SYNPR: variants seen among roughly 807,000 people sequenced by gnomAD.
SYNPR encodes synaptoporin.
SYNPR carries 23 observed loss-of-function variants against 32.9 expected under a neutral mutation model. The observed-to-expected ratio is 0.70, with a 90% confidence interval of 0.50 to 0.99. The LOEUF is 0.99. Among genes scored for constraint, SYNPR ranks in the 50% least tolerant of loss-of-function variants. The probability of loss-of-function intolerance (pLI) is 0.00; values close to 1 mark genes in which losing one functional copy is unlikely to be tolerated. For synonymous variants in SYNPR, 146 were observed against 135.9 expected (o/e 1.07, Z -0.52); for missense variants, 318 against 349.3 (o/e 0.91, Z 0.71).
chr3:63,568,677 A>G (rs1188207413), intron 4 of SYNPR, among the ~76,000 whole-genome samples: 1 of 152,224 alleles, frequency 6.6e-6, no homozygotes. Flanking sequence ...GAAGGAGTCT[A>G]TTTAAAGAAT....
intron 2 of SYNPR, among the ~76,000 whole-genome samples, chr3:63,407,594 T>C (rs2088378099): frequency 6.6e-6 from 1 of 152,206 alleles, no homozygotes; most frequent in South Asian, 2.1e-4. Flanking sequence ...TTTATCAGCA[T>C]TAATATCATA....
intron 2 of SYNPR, among the ~76,000 whole-genome samples, chr3:63,360,454 T>C (rs1184589412): frequency 6.6e-6 from 1 of 152,212 alleles, no homozygotes; most frequent in Non-Finnish European, 1.5e-5. Context: ...AGGAATTATT[T>C]CAAAAATAAA....
At chr3:63,326,023 C>G (rs935288304) in intron 2 of SYNPR, among the ~76,000 whole-genome samples, 3 of 151,868 alleles carry the variant, frequency 2.0e-5, no homozygotes, top group Non-Finnish European at 4.4e-5. Flanking sequence ...TTCTGAAGAA[C>G]CCCAGTCCCA....
chr3:63,456,429 T>G (rs1424133104), intron 2 of SYNPR, among the ~76,000 whole-genome samples: 1 of 152,074 alleles, frequency 6.6e-6, no homozygotes, highest in Non-Finnish European at 1.5e-5. Context: ...AAATTGGTCA[T>G]AAGGATATGG....
intron 4 of SYNPR, among the ~76,000 whole-genome samples, chr3:63,580,816 T>C (rs1703077244): frequency 6.6e-6 from 1 of 152,210 alleles, no homozygotes; most frequent in Non-Finnish European, 1.5e-5. Flanking sequence ...CTGTGGTAAC[T>C]ACATCTGGAA....
intron 2 of SYNPR, among the ~76,000 whole-genome samples, chr3:63,266,248 C>CT (rs1268808521): frequency 1.5e-5 from 2 of 131,542 alleles, no homozygotes; most frequent in Non-Finnish European, 3.1e-5. Flanking sequence ...ATTTCTTTTT[C>CT]TATTTTTTTT....
intron 2 of SYNPR, among the ~76,000 whole-genome samples, chr3:63,479,717 T>C (rs940804684): frequency 1.3e-5 from 2 of 152,180 alleles, no homozygotes; most frequent in African/African-American, 4.8e-5. Context: ...CAACTGTCTG[T>C]GTCACACCGC....
chr3:63,350,714 A>G (rs975967184), intron 2 of SYNPR, among the ~76,000 whole-genome samples: 2 of 152,226 alleles, frequency 1.3e-5, no homozygotes, highest in African/African-American at 4.8e-5. Context: ...TGGAAATGAC[A>G]CTTGCACTTG....
At chr3:63,370,816 T>C (rs947913932) in intron 2 of SYNPR, among the ~76,000 whole-genome samples, 12 of 152,194 alleles carry the variant, frequency 7.9e-5, no homozygotes, top group African/African-American at 2.9e-4. Flanking sequence ...GGTGAGAACC[T>C]TGTAAAAATT....
chr3:63,242,623 C>T (rs116076341), intron 1 of SYNPR, among the ~76,000 whole-genome samples: 2,287 of 152,060 alleles, frequency 0.015, 59 homozygotes, highest in African/African-American at 0.052. Flanking sequence ...AGTAGAGATA[C>T]TTCATATCTC....
At chr3:63,205,225 A>G in the SYNPR span, among the ~76,000 whole-genome samples, 2 of 152,050 alleles carry the variant, frequency 1.3e-5, no homozygotes, top group East Asian at 3.8e-4. Flanking sequence ...TTTGCATTCT[A>G]TTGTATCCCT....
chr3:63,567,100 T>C (rs1702802617), intron 4 of SYNPR, among the ~76,000 whole-genome samples: 1 of 152,200 alleles, frequency 6.6e-6, no homozygotes, highest in Non-Finnish European at 1.5e-5. Context: ...CATAAGCTGC[T>C]GTCATTATAG....
chr3:63,355,237 C>A (rs1405491965), intron 2 of SYNPR, among the ~76,000 whole-genome samples: 10 of 151,388 alleles, frequency 6.6e-5, no homozygotes, highest in African/African-American at 2.4e-4. Flanking sequence ...CAAGATCATG[C>A]CACTGCACTC....
At chr3:63,516,645 G>C (rs1002262065) in intron 3 of SYNPR, among the ~76,000 whole-genome samples, 3 of 152,092 alleles carry the variant, frequency 2.0e-5, no homozygotes, top group Admixed American at 6.6e-5. Context: ...GGAGAGCCTA[G>C]ATCCAAAGAC....
rs199999186 is a variant in SYNPR, at chr3:63,480,819, T to C, written c.85-13T>C. 1.6e-5 allele frequency: 25 copies of C among 1,612,100 alleles called. No individual in the cohort carries two copies. Among genetic ancestry groups the C allele is most frequent in the Non-Finnish European group, 2.1e-5 (25 of 1,178,732 alleles). ...TAATAACTGCCTTCTATTTGTTTAA[T>C]TGTTCTCCACAGCTTTTTGCAATCT... On this transcript the variant is annotated splice_polypyrimidine_tract_variant and intron_variant, in intron 2 of 5. Transcript: ENST00000478300.
chr3:63,454,752 G>GTGTGA (rs113684823), intron 2 of SYNPR, among the ~76,000 whole-genome samples: 2,112 of 152,070 alleles, frequency 0.014, 31 homozygotes, highest in African/African-American at 0.034. Flanking sequence ...AGAGATCTCT[G>GTGTGA]TGTGATGTGA....
At chr3:63,418,307 A>G (rs944131495) in intron 2 of SYNPR, among the ~76,000 whole-genome samples, 1 of 152,142 alleles carries the variant, frequency 6.6e-6, no homozygotes, top group Non-Finnish European at 1.5e-5. Flanking sequence ...ACCTCAGCCT[A>G]GATTTCATTG....
chr3:63,297,909 A>C (rs2086807687), intron 2 of SYNPR, among the ~76,000 whole-genome samples: 2 of 152,124 alleles, frequency 1.3e-5, no homozygotes. Flanking sequence ...AAAACATCTC[A>C]AAAGACCAAT....
chr3:63,223,584 T>G (rs983093394), upstream of SYNPR, among the ~76,000 whole-genome samples: 4 of 151,642 alleles, frequency 2.6e-5, no homozygotes, highest in Admixed American at 6.6e-5. Context: ...CTGTCCATTT[T>G]GTCAGCCAGC....
Sources: gnomAD v4.1 joint callset for allele counts (sites outside exome capture counted in the v4.1 genomes callset) on GRCh38, gnomAD v4.1.1 for gene constraint, MANE v1.5 for transcripts, NCBI Gene and HGNC (gene_info 2026-07-23, HGNC 2026-07-21) for gene names.